The following RBFOX1 variants were observed in gnomAD, a reference collection of about 807,000 sequenced individuals.
RBFOX1 encodes RNA binding fox-1 homolog 1, also known as RNA binding protein fox-1 homolog 1.
RBFOX1 carries 8 observed loss-of-function variants against 57.7 expected under a neutral mutation model. The ratio of observed to expected loss-of-function variants is 0.14; its 90% CI spans 0.08 to 0.25. The LOEUF (loss-of-function observed/expected upper bound fraction) is 0.25. RBFOX1 is among the 10% of genes least tolerant of loss of function. RBFOX1 has a pLI of 1.00. For synonymous variants in RBFOX1, 326 were observed against 222.4 expected (o/e 1.47, Z -4.15); for missense variants, 611 against 548.5 (o/e 1.11, Z -1.14).
At chr16:6,088,530 C>CTCCTTCCT (rs144314209) in intron 1 of RBFOX1, among the ~76,000 whole-genome samples, 91,529 of 149,818 alleles carry the variant, frequency 0.61, 28,519 homozygotes, top group East Asian at 0.72. Context: ...CTTTCCTTTT[C>CTCCTTCCT]TCCTTCCTTC....
At chr16:6,893,156 C>A (rs951484082) in intron 3 of RBFOX1, among the ~76,000 whole-genome samples, 1 of 152,064 alleles carries the variant, frequency 6.6e-6, no homozygotes, top group Non-Finnish European at 1.5e-5. Context: ...TGAAACAGCT[C>A]TTTCACCTCA....
At chr16:6,640,574 C>G (rs1046396329) in intron 2 of RBFOX1, among the ~76,000 whole-genome samples, 1 of 152,108 alleles carries the variant, frequency 6.6e-6, no homozygotes, top group Non-Finnish European at 1.5e-5. Flanking sequence ...TGCCACTGCA[C>G]TCCAGCCTCA....
intron 4 of RBFOX1, among the ~76,000 whole-genome samples, chr16:7,140,554 A>G (rs192663359): frequency 5.3e-5 from 8 of 152,268 alleles, no homozygotes; most frequent in Admixed American, 3.9e-4. Context: ...GCATAAATGA[A>G]TGCATTGATG....
chr16:5,954,235 G>A (rs1477556240), intron 4 of RBFOX1, among the ~76,000 whole-genome samples: 1 of 152,172 alleles, frequency 6.6e-6, no homozygotes, highest in Admixed American at 6.5e-5. Flanking sequence ...TCTCATGGAT[G>A]GAGGGGCTTC....
At chr16:6,784,206 T>C (rs1471056551) in intron 3 of RBFOX1, among the ~76,000 whole-genome samples, 1 of 152,090 alleles carries the variant, frequency 6.6e-6, no homozygotes, top group Non-Finnish European at 1.5e-5. Flanking sequence ...AAACTTTCTA[T>C]CCCAATCTCT....
At chr16:5,337,746 T>A (rs1012161140) in intron 1 of RBFOX1, among the ~76,000 whole-genome samples, 2 of 152,122 alleles carry the variant, frequency 1.3e-5, no homozygotes, top group Non-Finnish European at 2.9e-5. Flanking sequence ...TGAGAAACAG[T>A]TGTGGCCATT....
At chr16:7,131,639 A>G (rs1309518431) in intron 4 of RBFOX1, among the ~76,000 whole-genome samples, 3 of 151,732 alleles carry the variant, frequency 2.0e-5, no homozygotes, top group Admixed American at 6.6e-5. Flanking sequence ...AGTTGGGCCC[A>G]GATGAGATAG....
rs555180308 is a variant in RBFOX1, at chr16:7,490,153, C to T, written c.28-27994C>T. ...GCAGAACTTCCTTCAGTCTTCTGAG[C>T]CATAATAAATTGGCAGAAATGTCTG... On this transcript the variant is annotated intron_variant, in intron 4 of 15. Coordinates refer to ENST00000550418, the MANE Select transcript of RBFOX1 (RefSeq NM_018723.4). 7.0e-4 allele frequency among the ~76,000 whole-genome samples: 106 copies of T among 152,274 alleles called. 1 individual carries two copies. The highest frequency in any genetic ancestry group is 2.5e-3 in the African/African-American group (105 of 41,564).
intron 3 of RBFOX1, among the ~76,000 whole-genome samples, chr16:5,778,078 C>T (rs2054203412): frequency 6.6e-6 from 1 of 152,122 alleles, no homozygotes; most frequent in African/African-American, 2.4e-5. Flanking sequence ...CCTGCTGGTT[C>T]CAAGGTGGAT....
At chr16:6,451,393 C>T (rs2094619140) in intron 2 of RBFOX1, among the ~76,000 whole-genome samples, 1 of 151,978 alleles carries the variant, frequency 6.6e-6, no homozygotes, top group South Asian at 2.1e-4. Flanking sequence ...TTTTGACTTT[C>T]AACCCCAGGA....
chr16:6,105,696 A>G (rs1425755230), intron 1 of RBFOX1, among the ~76,000 whole-genome samples: 1 of 151,522 alleles, frequency 6.6e-6, no homozygotes, highest in Non-Finnish European at 1.5e-5. Flanking sequence ...ATATATATAT[A>G]TATATAAATT....
At chr16:6,517,149 T>C (rs984572750) in intron 2 of RBFOX1, among the ~76,000 whole-genome samples, 5 of 152,142 alleles carry the variant, frequency 3.3e-5, no homozygotes, top group Non-Finnish European at 4.4e-5. Flanking sequence ...TCCCAGTACA[T>C]GCTGGTTCCT....
chr16:7,589,828 G>A (rs1168892399), intron 7 of RBFOX1, among the ~76,000 whole-genome samples: 2 of 151,696 alleles, frequency 1.3e-5, no homozygotes, highest in African/African-American at 2.4e-5. Context: ...GGGCCCTTAC[G>A]AGCCAGGAAC....
intron 4 of RBFOX1, among the ~76,000 whole-genome samples, chr16:7,074,054 T>C (rs1309565214): frequency 6.6e-6 from 1 of 152,188 alleles, no homozygotes; most frequent in Non-Finnish European, 1.5e-5. Context: ...AACAAGAAGG[T>C]TGGACAGTTT....
chr16:6,120,528 C>G (rs1001265565), intron 1 of RBFOX1, among the ~76,000 whole-genome samples: 3 of 152,152 alleles, frequency 2.0e-5, no homozygotes, highest in Non-Finnish European at 4.4e-5. Context: ...TATAATTTGT[C>G]TCAGTCTCAG....
chr16:6,677,346 A>T lies in RBFOX1; in HGVS notation c.-16+22696A>T, dbSNP rs552147114. Among the ~76,000 whole-genome samples the T allele has an allele frequency of 2.8e-4, 42 of 152,316 alleles. 1 individual carries two copies. In the South Asian group the frequency reaches 8.7e-3, roughly 32 times the overall value. On this transcript the variant is annotated intron_variant, in intron 3 of 15. Transcript: ENST00000550418. ...TGTAACACTGAACTGATATATCTCC[A>T]TAGATACAAACACACATCAAGATGT...
chr16:6,196,629 T>C (rs1361101457), intron 1 of RBFOX1, among the ~76,000 whole-genome samples: 1 of 152,166 alleles, frequency 6.6e-6, no homozygotes, highest in Non-Finnish European at 1.5e-5. Flanking sequence ...AACATGCAAT[T>C]CCAGCAGTAT....
At chr16:6,887,779 C>T (rs1195154473) in intron 3 of RBFOX1, among the ~76,000 whole-genome samples, 1 of 151,928 alleles carries the variant, frequency 6.6e-6, no homozygotes, top group African/African-American at 2.4e-5. Flanking sequence ...TCTCCAGCCT[C>T]AGCCTCCTGA....
intron 4 of RBFOX1, among the ~76,000 whole-genome samples, chr16:5,873,248 C>T (rs1250063496): frequency 6.6e-6 from 1 of 152,194 alleles, no homozygotes; most frequent in Non-Finnish European, 1.5e-5. Context: ...TGAAAGCTTG[C>T]TGTGCTACCT....
Sources: gnomAD v4.1 joint callset for allele counts (sites outside exome capture counted in the v4.1 genomes callset) on GRCh38, gnomAD v4.1.1 for gene constraint, MANE v1.5 for transcripts, NCBI Gene and HGNC (gene_info 2026-07-23, HGNC 2026-07-21) for gene names.